Variants in RNF212B observed in about 807,000 individuals in gnomAD.
RNF212B encodes the protein E3 ubiquitin-protein ligase RNF212B.
RNF212B carries 52 observed loss-of-function variants against 55.5 expected under a neutral mutation model. The observed-to-expected ratio is 0.94, with a 90% CI of 0.75 to 1.18. RNF212B has a LOEUF of 1.18. RNF212B is among the 50% of genes most tolerant of loss of function. The pLI is 0.00. For synonymous variants in RNF212B, 99 were observed against 121.4 expected (o/e 0.82, Z 1.21); for missense variants, 289 against 350.4 (o/e 0.82, Z 1.40).
chr14:23,266,462 A>T (rs1412116509), intron 11 of RNF212B, among the ~76,000 whole-genome samples: 6 of 117,118 alleles, frequency 5.1e-5, no homozygotes, highest in African/African-American at 2.1e-4. Context: ...CCCAGGCTGG[A>T]GTGCAGTGGT....
intron 2 of RNF212B, among the ~76,000 whole-genome samples, chr14:23,217,250 AGTGGTGGGG>A (rs1881174669): frequency 5.7e-5 from 1 of 17,400 alleles, no homozygotes; most frequent in Non-Finnish European, 1.2e-4. Context: ...CAGTGGTGGC[AGTGGTGGGG>A]GGGGGGCTCC....
At chr14:23,218,811 G>T (rs117894777) in intron 2 of RNF212B, among the ~76,000 whole-genome samples, 21,950 of 152,100 alleles carry the variant, frequency 0.14, 1,775 homozygotes, top group Non-Finnish European at 0.18. Flanking sequence ...CCTAAACCTA[G>T]AGAAAGATAT....
At chr14:23,202,610 G>A (rs1322273708) in intron 2 of RNF212B, among the ~76,000 whole-genome samples, 4 of 152,162 alleles carry the variant, frequency 2.6e-5, no homozygotes, top group East Asian at 3.9e-4. Flanking sequence ...CCAGCACTTC[G>A]GGAGGCCGAG....
At chr14:23,228,510 C>A (rs1194015454) in intron 2 of RNF212B, among the ~76,000 whole-genome samples, 2 of 149,662 alleles carry the variant, frequency 1.3e-5, no homozygotes, top group African/African-American at 2.5e-5. Flanking sequence ...GTGGCATGTG[C>A]CTGTAGTCCT....
chr14:23,204,036 T>G (rs761015088), intron 2 of RNF212B, among the ~76,000 whole-genome samples: 10 of 152,236 alleles, frequency 6.6e-5, no homozygotes, highest in Non-Finnish European at 1.2e-4. Context: ...GAGAATTGTC[T>G]ATTCATGTCC....
chr14:23,196,300 G>A (rs1878682506), intron 2 of RNF212B, among the ~76,000 whole-genome samples: 2 of 151,906 alleles, frequency 1.3e-5, no homozygotes, highest in Admixed American at 6.6e-5. Context: ...AGCCTGCCCC[G>A]CTCCGCCATT....
At chr14:23,235,985 T>A (rs1286548278), upstream of RNF212B, among the ~76,000 whole-genome samples, 1 of 152,256 alleles carries the variant, frequency 6.6e-6, no homozygotes, top group African/African-American at 2.4e-5. Context: ...TTCACAATTA[T>A]CTGAAAAGGC....
chr14:23,212,408 TTATC>T (rs1303921119), intron 2 of RNF212B, among the ~76,000 whole-genome samples: 5 of 152,208 alleles, frequency 3.3e-5, no homozygotes, highest in Non-Finnish European at 7.3e-5. Flanking sequence ...GACGGCATGA[TTATC>T]TATCTAGAAA....
chr14:23,196,485 G>A (rs1878715770), intron 2 of RNF212B, among the ~76,000 whole-genome samples: 1 of 152,168 alleles, frequency 6.6e-6, no homozygotes, highest in African/African-American at 2.4e-5. Flanking sequence ...TGTCACACGG[G>A]CTGGAGGGCA....
intron 2 of RNF212B, among the ~76,000 whole-genome samples, chr14:23,218,329 C>T (rs1420854462): frequency 6.6e-6 from 1 of 151,730 alleles, no homozygotes; most frequent in Non-Finnish European, 1.5e-5. Context: ...GATTGCACCT[C>T]TGCACTATAG....
intron 2 of RNF212B, among the ~76,000 whole-genome samples, chr14:23,206,215 T>C (rs1312643544): frequency 6.6e-6 from 1 of 152,034 alleles, no homozygotes; most frequent in African/African-American, 2.4e-5. Flanking sequence ...GCTGGGATTA[T>C]AGGTGCACAC....
At chr14:23,192,290 T>C (rs1304257180) in intron 1 of RNF212B, among the ~76,000 whole-genome samples, 1 of 152,204 alleles carries the variant, frequency 6.6e-6, no homozygotes, top group Non-Finnish European at 1.5e-5. Flanking sequence ...CCAACCCAAA[T>C]GTTCATCAAT....
At chr14:23,257,779 G>C (rs1884956187) in intron 4 of RNF212B, among the ~76,000 whole-genome samples, 1 of 152,094 alleles carries the variant, frequency 6.6e-6, no homozygotes, top group Admixed American at 6.6e-5. Flanking sequence ...TCAAGCATAG[G>C]TAATCTCCTT....
In RNF212B at chr14:23,259,029, A is replaced by T. The variant is rs527517671; in HGVS notation, c.344+365A>T. Among the ~76,000 whole-genome samples, 89 of 151,638 alleles carry T rather than the reference A, an allele frequency of 5.9e-4. 1 individual carries two copies. In the South Asian group the frequency reaches 0.015, roughly 26 times the overall value. ...AGACTCTGTTTCTAAAAAAAAAAAA[A>T]TTTTAAACAAAAATTAGCCAGACAT... On this transcript the variant is annotated intron_variant, in intron 5 of 14. Coordinates refer to ENST00000430154, the MANE Select transcript of RNF212B (RefSeq NM_001282322.3).
chr14:23,207,622 G>A (rs1243112011), intron 2 of RNF212B, among the ~76,000 whole-genome samples: 4 of 152,170 alleles, frequency 2.6e-5, no homozygotes, highest in African/African-American at 9.7e-5. Flanking sequence ...GCACAGATAG[G>A]AGATTTGTCA....
Position 23,268,957 on chromosome 14 carries a change from C to T in RNF212B, c.668C>T (p.Ser223Phe), listed in dbSNP as rs1364185864. ...TPSPASTHSL[S>F]YRTSSASSGQ... ...TCACCGGCTTCAACTCATAGCCTAT[C>T]TTATAGGTCAGTAACACTATGCTTC... The change falls in exon 12 of 15, where the codon TCT (serine) becomes TTT (phenylalanine). Residue 223 changes from serine to phenylalanine, a missense_variant. Ser to Phe is a radical substitution (Grantham distance 155, BLOSUM62 -2). Coordinates refer to ENST00000430154, the MANE Select transcript of RNF212B (RefSeq NM_001282322.3). 4 of 1,549,720 alleles carry T rather than the reference C, an allele frequency of 2.6e-6. No individual in the cohort carries two copies. The highest frequency in any genetic ancestry group is 2.7e-5 in the African/African-American group (2 of 73,032).
In RNF212B at chr14:23,264,191, A is replaced by C. The variant is rs886166553; in HGVS notation, c.542A>C (p.Glu181Ala). ...TTATACAGTCGGTCCTCCTCAGCGG[A>C]ATCTATTCCTTATAGAGAGGCTGGC... Reference protein sequence around the residue: ...SQVVSRSSSAESIPYREAGFG... With the variant: ...SQVVSRSSSAASIPYREAGFG... Residue 181 changes from glutamate to alanine, a missense_variant, in exon 10 of 15, where the codon GAA becomes GCA. Transcript: ENST00000430154. 1.9e-6 allele frequency: 3 copies of C among 1,550,136 alleles called. No homozygotes were observed. The highest frequency in any genetic ancestry group is 3.3e-4 in the Middle Eastern group (2 of 5,994).
chr14:23,225,516 G>A (rs1881924361), intron 2 of RNF212B, among the ~76,000 whole-genome samples: 1 of 152,158 alleles, frequency 6.6e-6, no homozygotes, highest in Non-Finnish European at 1.5e-5. Flanking sequence ...CAACATGGGT[G>A]GAACTGGAGG....
Position 23,259,921 on chromosome 14 carries a change from A to C in RNF212B, c.382A>C (p.Lys128Gln). ...CTTAAGGAAGGAGAATGGAGAACTG[A>C]AGAAATTTCTAGCCATTCTAAAGGT... ...SVLRKENGELKKFLAILKESP... is the reference protein window; with the variant it reads ...SVLRKENGELQKFLAILKESP... Residue 128 changes from lysine (K) to glutamine (Q), a missense_variant, in exon 6 of 15, where the codon AAG (lysine) becomes CAG (glutamine). Transcript: ENST00000430154. 6.6e-7 allele frequency: 1 copy of C among 1,515,590 alleles called. No individual in the cohort carries two copies. Among genetic ancestry groups the C allele is most frequent in the Non-Finnish European group, 8.9e-7 (1 of 1,126,764 alleles). The allele number at this position is 1,515,590 out of a possible 1,614,324, so 93.9% of individuals were successfully genotyped here.
Sources: allele counts gnomAD v4.1 joint callset (sites outside exome capture counted in the v4.1 genomes callset), GRCh38; gene constraint gnomAD v4.1.1; transcripts MANE v1.5; gene names NCBI Gene and HGNC (gene_info 2026-07-23, HGNC 2026-07-21).